Variants in CDYL observed in about 807,000 individuals in gnomAD.
CDYL encodes chromodomain Y-like protein.
In CDYL, 8 loss-of-function variants were observed where a neutral mutation model predicts 47.3. The ratio of observed to expected loss-of-function variants is 0.17; its 90% CI spans 0.10 to 0.31. CDYL has a LOEUF of 0.31. Among genes scored for constraint, CDYL ranks in the 10% least tolerant of loss-of-function variants. The pLI is 1.00. For synonymous variants in CDYL, 266 were observed against 265.0 expected (o/e 1.00, Z -0.04); for missense variants, 471 against 701.4 (o/e 0.67, Z 3.71).
chr6:4,905,596 T>G (rs1757211016), intron 2 of CDYL, among the ~76,000 whole-genome samples: 1 of 152,176 alleles, frequency 6.6e-6, no homozygotes, highest in African/African-American at 2.4e-5. Context: ...AAAATTCATG[T>G]TTGAGAATTA....
chr6:4,713,589 CTT>C (rs11375423), intron 1 of CDYL, among the ~76,000 whole-genome samples: 9 of 113,596 alleles, frequency 7.9e-5, no homozygotes, highest in East Asian at 2.3e-4. Context: ...CATTTAGATT[CTT>C]TTTTTTTTTT....
At chr6:4,837,688 C>G (rs1041975853) in intron 1 of CDYL, among the ~76,000 whole-genome samples, 2 of 152,064 alleles carry the variant, frequency 1.3e-5, no homozygotes, top group Non-Finnish European at 2.9e-5. Context: ...TGCTCTCGAA[C>G]TCCTGACCTC....
At chr6:4,868,082 A>G (rs1761372161) in intron 1 of CDYL, among the ~76,000 whole-genome samples, 1 of 151,038 alleles carries the variant, frequency 6.6e-6, no homozygotes. Context: ...GGTTTGAAGT[A>G]TTTTTCTGTT....
At chr6:4,721,691 T>A (rs1757372661) in intron 2 of CDYL, among the ~76,000 whole-genome samples, 1 of 151,938 alleles carries the variant, frequency 6.6e-6, no homozygotes, top group Non-Finnish European at 1.5e-5. Flanking sequence ...CAGAACTTCC[T>A]AAGAAACACT....
At chr6:4,902,238 A>T (rs1757084315) in intron 2 of CDYL, among the ~76,000 whole-genome samples, 1 of 139,528 alleles carries the variant, frequency 7.2e-6, no homozygotes, top group African/African-American at 2.7e-5. Flanking sequence ...GTCTCTACTA[A>T]AAAAAAAAAA....
intron 1 of CDYL, among the ~76,000 whole-genome samples, chr6:4,819,116 T>TTCTCTCTCTCTCTCTCTCTCTC (rs373718294): frequency 1.3e-5 from 1 of 76,702 alleles, no homozygotes; most frequent in African/African-American, 4.6e-5. Flanking sequence ...TTTAGGTTCG[T>TTCTCTCTCTCTCTCTCTCTCTC]TCTCTCTCTC....
intron 1 of CDYL, among the ~76,000 whole-genome samples, chr6:4,811,178 C>G (rs1482878803): frequency 6.6e-6 from 1 of 152,118 alleles, no homozygotes; most frequent in Non-Finnish European, 1.5e-5. Flanking sequence ...AGGATTTCCT[C>G]TGGAAGCATT....
At chr6:4,898,672 C>A (rs1295640322) in intron 2 of CDYL, among the ~76,000 whole-genome samples, 2 of 152,148 alleles carry the variant, frequency 1.3e-5, no homozygotes, top group Admixed American at 6.5e-5. Flanking sequence ...GCATAGTGGT[C>A]CGCAAACCTG....
chr6:4,857,171 C>A (rs1352182743), intron 1 of CDYL, among the ~76,000 whole-genome samples: 1 of 152,096 alleles, frequency 6.6e-6, no homozygotes, highest in Non-Finnish European at 1.5e-5. Flanking sequence ...ACAAAGTTTG[C>A]CATTTTAACC....
chr6:4,834,862 A>G (rs895170570), intron 1 of CDYL, among the ~76,000 whole-genome samples: 10 of 152,166 alleles, frequency 6.6e-5, no homozygotes, highest in African/African-American at 1.4e-4. Flanking sequence ...CCAGTTGATC[A>G]CATCGGCTCC....
intron 2 of CDYL, among the ~76,000 whole-genome samples, chr6:4,895,256 T>C (rs62646177): frequency 0.043 from 251 of 5,856 alleles, 80 homozygotes; most frequent in Admixed American, 0.096. Context: ...TGTATATATG[T>C]GCATGTATAC....
intron 2 of CDYL, among the ~76,000 whole-genome samples, chr6:4,727,199 T>C (rs1299586000): frequency 2.0e-5 from 3 of 152,178 alleles, no homozygotes; most frequent in Non-Finnish European, 2.9e-5. Context: ...GGACATTCCA[T>C]TGAACCAGGA....
intron 3 of CDYL, among the ~76,000 whole-genome samples, chr6:4,746,793 G>C (rs1757906564): frequency 6.6e-6 from 1 of 152,210 alleles, no homozygotes; most frequent in Middle Eastern, 3.4e-3. Context: ...GGAGCCAGGG[G>C]AAGGATGAGA....
At chr6:4,841,569 C>T (rs59469271) in intron 1 of CDYL, among the ~76,000 whole-genome samples, 5,461 of 152,042 alleles carry the variant, frequency 0.036, 326 homozygotes, top group African/African-American at 0.12. Context: ...TTGCTGTATC[C>T]CAGAAGTTTT....
At chr6:4,758,467 C>G (rs915481086) in intron 3 of CDYL, among the ~76,000 whole-genome samples, 2 of 151,536 alleles carry the variant, frequency 1.3e-5, no homozygotes, top group African/African-American at 4.9e-5. Context: ...TCGAGACCAG[C>G]CTGGCCAAAG....
chr6:4,745,255 T>C (rs1757868580), intron 3 of CDYL, among the ~76,000 whole-genome samples: 1 of 152,164 alleles, frequency 6.6e-6, no homozygotes, highest in Non-Finnish European at 1.5e-5. Context: ...CCACCTCGCC[T>C]GGCCTACCCC....
chr6:4,951,084 C>A (rs893785000), intron 5 of CDYL, among the ~76,000 whole-genome samples: 1 of 152,124 alleles, frequency 6.6e-6, no homozygotes, highest in African/African-American at 2.4e-5. Context: ...GTTTCACATG[C>A]AGTAAACGGC....
chr6:4,948,815 T>G (rs1479736504), intron 5 of CDYL, among the ~76,000 whole-genome samples: 1 of 152,246 alleles, frequency 6.6e-6, no homozygotes, highest in Non-Finnish European at 1.5e-5. Flanking sequence ...GAGCAGAGTA[T>G]CTGACGAAGC....
intron 2 of CDYL, among the ~76,000 whole-genome samples, chr6:4,922,709 T>A (rs1388300915): frequency 6.6e-6 from 1 of 152,256 alleles, no homozygotes; most frequent in Non-Finnish European, 1.5e-5. Context: ...CTCTGATTTA[T>A]GGGAATTGTT....
Sources: allele counts gnomAD v4.1 joint callset (sites outside exome capture counted in the v4.1 genomes callset), GRCh38; gene constraint gnomAD v4.1.1; transcripts MANE v1.5; gene names NCBI Gene and HGNC (gene_info 2026-07-23, HGNC 2026-07-21).